Variants in CTNNA3 observed in about 807,000 individuals in gnomAD.
CTNNA3 encodes the protein catenin alpha-3.
Under a neutral mutation model 95.7 loss-of-function variants are expected in CTNNA3, and 76 were observed. That is an observed-to-expected ratio of 0.79 (90% CI 0.66 to 0.96). CTNNA3 has a LOEUF of 0.96. Ranked by LOEUF, CTNNA3 falls within the 40% of genes least tolerant of loss-of-function variation. The pLI is 0.00. For synonymous variants in CTNNA3, 431 were observed against 374.4 expected, an observed-to-expected ratio of 1.15 and a Z score of -1.74; for missense variants, 1,191 against 1,089.8, an observed-to-expected ratio of 1.09 and a Z score of -1.31.
At chr10:67,503,898 C>A (rs1430399830) in intron 5 of CTNNA3, among the ~76,000 whole-genome samples, 3 of 152,212 alleles carry the variant, frequency 2.0e-5, no homozygotes, top group Non-Finnish European at 4.4e-5. Flanking sequence ...TGGCTCATGC[C>A]TGTAATCCCA....
intron 15 of CTNNA3, among the ~76,000 whole-genome samples, chr10:66,001,448 C>A (rs1214857669): frequency 6.6e-6 from 1 of 152,024 alleles, no homozygotes; most frequent in African/African-American, 2.4e-5. Context: ...AAATTTAGTG[C>A]TGTGATAAAG....
At chr10:66,153,721 T>C (rs1218513422) in intron 13 of CTNNA3, among the ~76,000 whole-genome samples, 1 of 151,860 alleles carries the variant, frequency 6.6e-6, no homozygotes, top group Non-Finnish European at 1.5e-5. Context: ...GTTAGTTATT[T>C]GCAGTCCACT....
chr10:66,297,595 G>A (rs1475991664), intron 12 of CTNNA3, among the ~76,000 whole-genome samples: 1 of 151,998 alleles, frequency 6.6e-6, no homozygotes. Flanking sequence ...TCTCAAATAT[G>A]CTCAGCCTCA....
At chr10:66,328,903 C>CATAT (rs1373542543) in intron 12 of CTNNA3, among the ~76,000 whole-genome samples, 3 of 38,766 alleles carry the variant, frequency 7.7e-5, no homozygotes, top group Non-Finnish European at 2.1e-4. Flanking sequence ...CACACACACA[C>CATAT]ATATATACAT....
At chr10:66,115,100 G>A (rs890205474) in intron 13 of CTNNA3, among the ~76,000 whole-genome samples, 2 of 152,034 alleles carry the variant, frequency 1.3e-5, no homozygotes, top group African/African-American at 2.4e-5. Flanking sequence ...TTTCAAGGAC[G>A]TGTCAGCAAT....
At chr10:66,570,618 A>G (rs1362709899) in intron 10 of CTNNA3, among the ~76,000 whole-genome samples, 1 of 151,936 alleles carries the variant, frequency 6.6e-6, no homozygotes, top group African/African-American at 2.4e-5. Flanking sequence ...GACCAAACAC[A>G]TCAGAACAAA....
chr10:67,745,232 C>T (rs961237250), intron 1 of CTNNA3, among the ~76,000 whole-genome samples: 5 of 152,078 alleles, frequency 3.3e-5, no homozygotes, highest in African/African-American at 1.2e-4. Context: ...CAGCACTATT[C>T]ACGATAGCCA....
At chr10:66,081,685 A>T (rs1466212884) in intron 14 of CTNNA3, among the ~76,000 whole-genome samples, 1 of 152,218 alleles carries the variant, frequency 6.6e-6, no homozygotes, top group Non-Finnish European at 1.5e-5. Flanking sequence ...CCAACTAATA[A>T]ATATAGAAGA....
intron 13 of CTNNA3, among the ~76,000 whole-genome samples, chr10:66,252,372 T>C (rs2090594918): frequency 6.6e-6 from 1 of 152,236 alleles, no homozygotes; most frequent in Admixed American, 6.5e-5. Flanking sequence ...AACATTTTCT[T>C]ATATTTCTTT....
chr10:66,389,751 GAGAGAGAGA>G (rs1589180579), intron 11 of CTNNA3, among the ~76,000 whole-genome samples: 1 of 146,224 alleles, frequency 6.8e-6, no homozygotes, highest in East Asian at 2.2e-4. Context: ...GAGAGAGAGA[GAGAGAGAGA>G]TAAGGTCTCC....
intron 10 of CTNNA3, among the ~76,000 whole-genome samples, chr10:66,524,829 C>G (rs1375285733): frequency 6.6e-6 from 1 of 152,078 alleles, no homozygotes; most frequent in African/African-American, 2.4e-5. Context: ...GCAGGCGGAT[C>G]TCCTGAGGTC....
intron 5 of CTNNA3, among the ~76,000 whole-genome samples, chr10:67,232,055 G>A (rs10997587): frequency 0.19 from 28,403 of 151,852 alleles, 3,139 homozygotes; most frequent in African/African-American, 0.32. Context: ...TGAAAGTGAC[G>A]GGGAGAATGG....
intron 3 of CTNNA3, among the ~76,000 whole-genome samples, chr10:67,547,791 T>A (rs1402529998): frequency 1.3e-5 from 2 of 152,070 alleles, no homozygotes; most frequent in African/African-American, 4.8e-5. Flanking sequence ...CACAAGAGCA[T>A]CCAACAAATA....
chr10:66,194,900 G>T (rs954485670), intron 13 of CTNNA3, among the ~76,000 whole-genome samples: 2 of 152,138 alleles, frequency 1.3e-5, no homozygotes, highest in Admixed American at 6.6e-5. Flanking sequence ...GAATCCCTCA[G>T]TATATTTTAT....
intron 10 of CTNNA3, among the ~76,000 whole-genome samples, chr10:66,522,758 A>G (rs1005212313): frequency 7.2e-6 from 1 of 139,460 alleles, no homozygotes; most frequent in African/African-American, 2.5e-5. Flanking sequence ...GTCAAACTAG[A>G]TCCTGTCCAC....
intron 9 of CTNNA3, among the ~76,000 whole-genome samples, chr10:66,630,335 A>G (rs113148806): frequency 0.023 from 3,543 of 152,222 alleles, 129 homozygotes; most frequent in African/African-American, 0.081. Flanking sequence ...TATTCTACAA[A>G]GGCTTAGACA....
chr10:66,839,368 A>T (rs988695284), intron 7 of CTNNA3, among the ~76,000 whole-genome samples: 14 of 152,142 alleles, frequency 9.2e-5, no homozygotes, highest in African/African-American at 3.4e-4. Context: ...AAAATGAAAA[A>T]CAGGATGGCA....
chr10:66,766,309 T>C lies in CTNNA3; in HGVS notation c.1236A>G (p.Lys412=), dbSNP rs150167695. 45 of 1,613,862 alleles carry C rather than the reference T, an allele frequency of 2.8e-5. No individual in the cohort carries two copies. Among genetic ancestry groups the C allele is most frequent in the Non-Finnish European group, 3.7e-5 (44 of 1,179,912 alleles). ...GTTCATGAAATATCGCAGCATATTC[T>C]TTTATTTCCTTTTCCCGGCCATTCT... ...AAKNGREKEI[K]EYAAIFHEHT... Residue 412 remains lysine, a synonymous_variant, in exon 9 of 18, where the codon AAA becomes AAG. Transcript: ENST00000433211.
intron 7 of CTNNA3, among the ~76,000 whole-genome samples, chr10:66,970,663 C>T (rs2132824081): frequency 6.6e-6 from 1 of 152,220 alleles, no homozygotes; most frequent in African/African-American, 2.4e-5. Context: ...AGAAAATCTG[C>T]ATCTACATAA....
Sources: allele counts gnomAD v4.1 joint callset (sites outside exome capture counted in the v4.1 genomes callset), GRCh38; gene constraint gnomAD v4.1.1; transcripts MANE v1.5; gene names NCBI Gene and HGNC (gene_info 2026-07-23, HGNC 2026-07-21).